Variants in EMSY observed in about 807,000 individuals in gnomAD.
The protein encoded by EMSY is BRCA2-interacting transcriptional repressor EMSY.
EMSY carries 26 observed loss-of-function variants against 134.6 expected under a neutral mutation model. The ratio of observed to expected loss-of-function variants is 0.19; its 90% CI spans 0.14 to 0.27. EMSY has a LOEUF of 0.27. Among genes scored for constraint, EMSY ranks in the 10% least tolerant of loss-of-function variants. The pLI, the probability that EMSY is intolerant of heterozygous loss-of-function variation, is 1.00. For missense variants in EMSY, 1,305 were observed against 1,611.4 expected, an observed-to-expected ratio of 0.81 and a Z score of 3.26; for synonymous variants, 579 against 577.8, an observed-to-expected ratio of 1.00 and a Z score of -0.03.
chr11:76,509,124 T>C (rs1950182324), intron 9 of EMSY, among the ~76,000 whole-genome samples: 1 of 152,144 alleles, frequency 6.6e-6, no homozygotes, highest in South Asian at 2.1e-4. Flanking sequence ...AAAAAAACTT[T>C]GAATTATTGT....
In EMSY at chr11:76,487,300, A is replaced by G. The variant is rs573868856; in HGVS notation, c.1109-8915A>G. Among the ~76,000 whole-genome samples the G allele has an allele frequency of 2.6e-5, 4 of 152,308 alleles. No individual in the cohort carries two copies. In the East Asian group the frequency reaches 7.7e-4, roughly 29 times the overall value. On this transcript the variant is annotated intron_variant, in intron 8 of 20. Transcript: ENST00000334736. Reference sequence around the variant, plus strand: ...CTCTCATCTGCTTCTGATGCTTCTTATTACCTAAAAACAAACACAGAAACA... The same window carrying G: ...CTCTCATCTGCTTCTGATGCTTCTTGTTACCTAAAAACAAACACAGAAACA...
At chr11:76,481,269 T>C (rs1948968416) in intron 8 of EMSY, among the ~76,000 whole-genome samples, 1 of 152,120 alleles carries the variant, frequency 6.6e-6, no homozygotes, top group Non-Finnish European at 1.5e-5. Context: ...GGTCTCGATC[T>C]CCTGACCTTA....
chr11:76,496,575 T>C (rs759532387), intron 9 of EMSY, 106 bp downstream of exon 10: 5 of 1,344,432 alleles, frequency 3.7e-6, no homozygotes, highest in Admixed American at 1.7e-5. Context: ...TTTAGGTCTT[T>C]GACTTTTTCA....
exon 12 of EMSY, chr11:76,523,237 G>T (rs777308629): frequency 1.2e-6 from 2 of 1,613,646 alleles, no homozygotes; most frequent in African/African-American, 1.3e-5. Context: ...GAAAAGGAAC[G>T]ACCATTCAAG....
At chr11:76,526,676 A>G in intron 13 of EMSY, 41 bp downstream of exon 14, 4 of 1,480,832 alleles carry the variant, frequency 2.7e-6, no homozygotes, top group Non-Finnish European at 2.7e-6. Flanking sequence ...GCTCTTAAAT[A>G]TTTTCAATTC....
intron 6 of EMSY, 94 bp from the exon 8 acceptor site, chr11:76,463,727 G>A: frequency 1.4e-6 from 2 of 1,386,644 alleles, no homozygotes; most frequent in Non-Finnish European, 2.0e-6. Flanking sequence ...TTAAGACAGA[G>A]AGAGGACAAG....
chr11:76,454,670 A>G, intron 4 of EMSY, 79 bp from the exon 5 acceptor site: 1 of 896,260 alleles, frequency 1.1e-6, no homozygotes, highest in Non-Finnish European at 1.6e-6. Context: ...TGGGGCAACT[A>G]GTTGTAAGTT....
intron 9 of EMSY, among the ~76,000 whole-genome samples, chr11:76,498,790 A>G (rs1949745182): frequency 6.6e-6 from 1 of 152,194 alleles, no homozygotes; most frequent in African/African-American, 2.4e-5. Flanking sequence ...CTTGTAAAGT[A>G]TACTTTATCT....
intron 16 of EMSY, among the ~76,000 whole-genome samples, chr11:76,539,154 T>C (rs542114988): frequency 7.1e-4 from 108 of 152,330 alleles, no homozygotes; most frequent in African/African-American, 2.5e-3. Flanking sequence ...CCTGGAATAC[T>C]GCTTTCTCTT....
chr11:76,468,168 A>AT (rs1465241101), intron 7 of EMSY, among the ~76,000 whole-genome samples: 2 of 151,396 alleles, frequency 1.3e-5, no homozygotes, highest in Non-Finnish European at 2.9e-5. Context: ...ATTTATTTTT[A>AT]TTTTTTTTCT....
At chr11:76,511,630 G>T (rs1950280884) in intron 9 of EMSY, among the ~76,000 whole-genome samples, 1 of 152,094 alleles carries the variant, frequency 6.6e-6, no homozygotes. Flanking sequence ...AACCCAGGAG[G>T]TGGAGGTTGC....
chr11:76,462,788 A>G (rs999450843), intron 6 of EMSY, among the ~76,000 whole-genome samples: 1 of 152,242 alleles, frequency 6.6e-6, no homozygotes, highest in African/African-American at 2.4e-5. Flanking sequence ...TCTTGGAAAG[A>G]TATGGAGTCT....
chr11:76,483,434 C>A (rs533740862), intron 8 of EMSY, among the ~76,000 whole-genome samples: 4 of 152,202 alleles, frequency 2.6e-5, no homozygotes, highest in African/African-American at 7.2e-5. Context: ...AGGCTAAATG[C>A]CCCAATTAAA....
intron 10 of EMSY, 55 bp downstream of exon 11, chr11:76,513,590 T>C: frequency 6.3e-7 from 1 of 1,577,122 alleles, no homozygotes; most frequent in Non-Finnish European, 8.7e-7. Context: ...TCAAACAGTT[T>C]CTCTGTACCA....
intron 2 of EMSY, among the ~76,000 whole-genome samples, chr11:76,451,398 C>T (rs1947662141): frequency 6.6e-6 from 1 of 152,122 alleles, no homozygotes; most frequent in Non-Finnish European, 1.5e-5. Context: ...TTTTCCATTG[C>T]ATACTATTTA....
chr11:76,484,265 A>G (rs34729653), intron 8 of EMSY, among the ~76,000 whole-genome samples: 1 of 152,246 alleles, frequency 6.6e-6, no homozygotes, highest in Non-Finnish European at 1.5e-5. Flanking sequence ...TTAGAGGGAA[A>G]TTTATAGCAC....
Position 76,543,732 on chromosome 11 carries a change from G to A in EMSY, c.2710-527G>A, listed in dbSNP as rs1443242368. Among the ~76,000 whole-genome samples, 39 of 152,176 alleles carry A rather than the reference G, an allele frequency of 2.6e-4. 1 individual carries two copies. The highest frequency in any genetic ancestry group is 2.6e-3 in the Admixed American group (39 of 15,280). On this transcript the variant is annotated intron_variant, in intron 18 of 20. Transcript: ENST00000334736. Reference sequence around the variant, plus strand: ...AGAGGTGCTTCATGCAGACCTTGGTGAAGCCTGAAGAATGATCTTCATCCA... The same window carrying A: ...AGAGGTGCTTCATGCAGACCTTGGTAAAGCCTGAAGAATGATCTTCATCCA...
intron 11 of EMSY, among the ~76,000 whole-genome samples, chr11:76,521,399 G>C (rs1311307322): frequency 6.6e-6 from 1 of 152,186 alleles, no homozygotes; most frequent in Non-Finnish European, 1.5e-5. Flanking sequence ...GCTAAGCACT[G>C]AGGAATCATA....
At chr11:76,473,698 T>G (rs1281452868) in intron 8 of EMSY, among the ~76,000 whole-genome samples, 2 of 152,070 alleles carry the variant, frequency 1.3e-5, no homozygotes, top group East Asian at 3.9e-4. Context: ...TGCTGCTTAA[T>G]AGCAGAGTAG....
Sources: allele counts gnomAD v4.1 joint callset (sites outside exome capture counted in the v4.1 genomes callset), GRCh38; gene constraint gnomAD v4.1.1; transcripts MANE v1.5; gene names NCBI Gene and HGNC (gene_info 2026-07-23, HGNC 2026-07-21).